The following LINGO2 variants were observed in gnomAD, a reference collection of about 807,000 sequenced individuals.
LINGO2 encodes leucine-rich repeat and immunoglobulin-like domain-containing nogo receptor-interacting protein 2.
In LINGO2, 14 loss-of-function variants were observed where a neutral mutation model predicts 30.6. The observed-to-expected ratio is 0.46, with a 90% CI of 0.30 to 0.72. The LOEUF (loss-of-function observed/expected upper bound fraction) is 0.72. Ranked by LOEUF, LINGO2 falls within the 30% of genes least tolerant of loss-of-function variation. LINGO2 has a pLI of 0.07. For missense variants in LINGO2, 729 were observed against 751.7 expected (o/e 0.97, Z 0.35); for synonymous variants, 317 against 288.5 (o/e 1.10, Z -1.00).
chr9:28,020,658 G>A (rs374697350), intron 4 of LINGO2, among the ~76,000 whole-genome samples: 140 of 152,284 alleles, frequency 9.2e-4, no homozygotes, highest in African/African-American at 3.2e-3. Context: ...ATTCACCAGT[G>A]GAACCATCTG....
the LINGO2 span, among the ~76,000 whole-genome samples, chr9:28,857,707 C>T: frequency 0.021 from 3,165 of 152,002 alleles, 59 homozygotes; most frequent in Middle Eastern, 0.048. Context: ...TTAGTCCAAA[C>T]CGAGATATGC....
the LINGO2 span, among the ~76,000 whole-genome samples, chr9:28,865,232 G>A: frequency 5.3e-5 from 8 of 152,084 alleles, no homozygotes; most frequent in Non-Finnish European, 1.0e-4. Flanking sequence ...GAACACAAGT[G>A]AGCATCACCA....
intron 4 of LINGO2, among the ~76,000 whole-genome samples, chr9:28,047,035 T>C (rs1254369441): frequency 6.6e-6 from 1 of 152,054 alleles, no homozygotes; most frequent in Non-Finnish European, 1.5e-5. Flanking sequence ...AGCCCCTAAG[T>C]AATGCTTAGC....
chr9:29,146,165 G>A, the LINGO2 span, among the ~76,000 whole-genome samples: 1 of 152,082 alleles, frequency 6.6e-6, no homozygotes, highest in African/African-American at 2.4e-5. Flanking sequence ...TTACCATCCT[G>A]GCCAACATGG....
intron 3 of LINGO2, among the ~76,000 whole-genome samples, chr9:28,348,951 A>C (rs979342959): frequency 6.6e-5 from 10 of 151,320 alleles, no homozygotes; most frequent in African/African-American, 1.7e-4. Flanking sequence ...GTCTGTTAGA[A>C]GGAAAACTAA....
At chr9:28,163,822 C>T (rs1828354480) in intron 4 of LINGO2, among the ~76,000 whole-genome samples, 2 of 152,188 alleles carry the variant, frequency 1.3e-5, no homozygotes, top group African/African-American at 4.8e-5. Context: ...TGCCTATTTA[C>T]AGTTCACTGG....
At chr9:28,486,584 T>C (rs935441835) in intron 1 of LINGO2, among the ~76,000 whole-genome samples, 2 of 152,170 alleles carry the variant, frequency 1.3e-5, no homozygotes, top group African/African-American at 2.4e-5. Flanking sequence ...TGGGTGTGTA[T>C]GTATTCTTTT....
intron 4 of LINGO2, among the ~76,000 whole-genome samples, chr9:28,152,017 T>C (rs188583129): frequency 9.8e-5 from 15 of 152,314 alleles, no homozygotes; most frequent in African/African-American, 3.6e-4. Flanking sequence ...TTAATAACCC[T>C]ACCAAATATA....
the LINGO2 span, among the ~76,000 whole-genome samples, chr9:29,153,059 TAC>T: frequency 2.6e-5 from 4 of 152,218 alleles, no homozygotes; most frequent in South Asian, 8.3e-4. Flanking sequence ...TTAATAAATA[TAC>T]AGTGTTAAAA....
At chr9:28,843,715 G>C in the LINGO2 span, among the ~76,000 whole-genome samples, 2 of 151,788 alleles carry the variant, frequency 1.3e-5, no homozygotes, top group Non-Finnish European at 2.9e-5. Context: ...TAAATAGTGT[G>C]TTGTTAGTTT....
At chr9:28,557,803 A>G (rs1822811955) in intron 1 of LINGO2, among the ~76,000 whole-genome samples, 1 of 151,764 alleles carries the variant, frequency 6.6e-6, no homozygotes, top group Non-Finnish European at 1.5e-5. Context: ...ACACCATGGA[A>G]TACTATGCAG....
chr9:28,125,729 G>A (rs550461599), intron 4 of LINGO2, among the ~76,000 whole-genome samples: 1 of 152,092 alleles, frequency 6.6e-6, no homozygotes, highest in Non-Finnish European at 1.5e-5. Context: ...CTTTTCTGTG[G>A]GAGCCAAAGG....
the LINGO2 span, among the ~76,000 whole-genome samples, chr9:28,822,503 T>C: frequency 6.6e-6 from 1 of 152,082 alleles, no homozygotes; most frequent in East Asian, 1.9e-4. Context: ...AGATTAACAT[T>C]TGAGTCAATG....
chr9:28,644,839 T>G (rs1302359430), intron 1 of LINGO2, among the ~76,000 whole-genome samples: 3 of 151,986 alleles, frequency 2.0e-5, no homozygotes, highest in African/African-American at 7.2e-5. Context: ...TGTACTCACA[T>G]AAATCAAATT....
chr9:28,875,381 T>G, the LINGO2 span, among the ~76,000 whole-genome samples: 1 of 152,050 alleles, frequency 6.6e-6, no homozygotes, highest in African/African-American at 2.4e-5. Context: ...AAGTTGTAAA[T>G]AGCATGGTAT....
chr9:29,151,898 G>A, the LINGO2 span, among the ~76,000 whole-genome samples: 1 of 151,916 alleles, frequency 6.6e-6, no homozygotes, highest in East Asian at 1.9e-4. Context: ...ACTAAATTTG[G>A]GGAAACACAC....
intron 3 of LINGO2, among the ~76,000 whole-genome samples, chr9:28,308,477 C>T (rs1220801277): frequency 8.9e-5 from 13 of 145,852 alleles, no homozygotes. Context: ...CCATAAAAAC[C>T]CTAGAAGAAA....
intron 3 of LINGO2, among the ~76,000 whole-genome samples, chr9:28,298,964 G>T (rs572901172): frequency 6.6e-6 from 1 of 152,284 alleles, no homozygotes; most frequent in Non-Finnish European, 1.5e-5. Flanking sequence ...TTGAATTTTG[G>T]TATTCTTTGT....
chr9:28,491,728 T>C (rs1333218634), intron 1 of LINGO2, among the ~76,000 whole-genome samples: 3 of 152,202 alleles, frequency 2.0e-5, no homozygotes, highest in Admixed American at 6.6e-5. Flanking sequence ...GATTTATTTA[T>C]GCCCCAGTTT....
Sources: gnomAD v4.1 joint callset for allele counts (sites outside exome capture counted in the v4.1 genomes callset) on GRCh38, gnomAD v4.1.1 for gene constraint, MANE v1.5 for transcripts, NCBI Gene and HGNC (gene_info 2026-07-23, HGNC 2026-07-21) for gene names.